MACROD1: variants seen among roughly 807,000 people sequenced by gnomAD.
MACROD1 encodes the protein ADP-ribose glycohydrolase MACROD1.
A neutral mutation model predicts 41.4 loss-of-function variants in MACROD1; 31 were observed. The ratio of observed to expected loss-of-function variants is 0.75; its 90% CI spans 0.56 to 1.01. The LOEUF (loss-of-function observed/expected upper bound fraction) is 1.01, where lower values mean the gene tolerates loss of function less well. MACROD1 is among the 50% of genes least tolerant of loss of function. The pLI, the probability that MACROD1 is intolerant of heterozygous loss-of-function variation, is 0.00. For synonymous variants in MACROD1, 252 were observed against 203.4 expected (o/e 1.24, Z -2.03); for missense variants, 473 against 460.0 (o/e 1.03, Z -0.26).
chr11:64,074,983 TCTCCTTAAGGTTGAAAAGG>T (rs1944176407), intron 3 of MACROD1, among the ~76,000 whole-genome samples: 1 of 152,130 alleles, frequency 6.6e-6, no homozygotes, highest in African/African-American at 2.4e-5. Flanking sequence ...ACTGTACCCC[TCTCCTTAAGGTTGAAAAGG>T]GAGGTCCAGG....
At chr11:64,128,628 C>T (rs1227935835) in intron 3 of MACROD1, among the ~76,000 whole-genome samples, 14 of 150,326 alleles carry the variant, frequency 9.3e-5, no homozygotes, top group Admixed American at 9.3e-4. Context: ...CTCCCCGTTG[C>T]CCCCCTCAGA....
chr11:64,002,925 T>C (rs1942850478), intron 4 of MACROD1, among the ~76,000 whole-genome samples: 1 of 152,092 alleles, frequency 6.6e-6, no homozygotes, highest in African/African-American at 2.4e-5. Context: ...GGTGGGGTAT[T>C]CCCAGTTCAC....
chr11:64,019,212 T>C (rs1344624241), intron 3 of MACROD1, among the ~76,000 whole-genome samples: 1 of 152,042 alleles, frequency 6.6e-6, no homozygotes, highest in South Asian at 2.1e-4. Flanking sequence ...CCCCATCGGG[T>C]TCCCCCCGCC....
intron 3 of MACROD1, chr11:64,116,308 C>T (rs1202192866): frequency 6.2e-7 from 1 of 1,607,550 alleles, no homozygotes; most frequent in Non-Finnish European, 8.5e-7. Context: ...ACCACCACGC[C>T]CACTGCCACT....
intron 3 of MACROD1, among the ~76,000 whole-genome samples, chr11:64,038,176 G>C (rs892634603): frequency 2.0e-5 from 3 of 152,158 alleles, no homozygotes; most frequent in South Asian, 4.1e-4. Context: ...TGATGGGGAG[G>C]GGGTGCTGCC....
chr11:64,064,519 T>C lies in MACROD1; in HGVS notation c.518-49238A>G, dbSNP rs2134446070. Among the ~76,000 whole-genome samples, 1 of 152,040 alleles carries C rather than the reference T, an allele frequency of 6.6e-6. No homozygotes were observed. Among genetic ancestry groups the C allele is most frequent in the African/African-American group, 2.4e-5 (1 of 41,504 alleles). Reference sequence around the variant, plus strand: ...GATGGGCACGCAGGCAGGGTGCATATGTACGTATGTGCCTGGCATGGTCCT... The same window carrying C: ...GATGGGCACGCAGGCAGGGTGCATACGTACGTATGTGCCTGGCATGGTCCT... On this transcript the variant is annotated intron_variant, in intron 3 of 10. Coordinates refer to ENST00000255681, the MANE Select transcript of MACROD1 (RefSeq NM_014067.4). This position sits in a 1 kb window ranked among gnomAD's most constrained non-coding sequence, Gnocchi z 4.5.
chr11:64,035,774 CCCG>C (rs545232734), intron 3 of MACROD1, among the ~76,000 whole-genome samples: 4 of 145,968 alleles, frequency 2.7e-5, no homozygotes, highest in Admixed American at 6.8e-5. Flanking sequence ...ACGCACGGCC[CCCG>C]CCGCCGCCGC....
chr11:64,120,246 A>G lies in MACROD1; in HGVS notation c.517+30993T>C, dbSNP rs984637539. 1.3e-5 allele frequency among the ~76,000 whole-genome samples: 2 copies of G among 151,542 alleles called. No individual in the cohort carries two copies. Among genetic ancestry groups the G allele is most frequent in the African/African-American group, 4.9e-5 (2 of 41,190 alleles). ...GGGGGCTAGCCCACGAAATAGGTCC[A>G]CTCCCCAGCCCTGGGGAACAGCCGA... On this transcript the variant is annotated intron_variant, in intron 3 of 10. Transcript: ENST00000255681. The surrounding 1 kb of genome is among the most constrained non-coding windows in gnomAD (Gnocchi z 4.5).
At chr11:64,105,952 C>A (rs1400670061) in intron 3 of MACROD1, among the ~76,000 whole-genome samples, 1 of 142,082 alleles carries the variant, frequency 7.0e-6, no homozygotes, top group African/African-American at 2.6e-5. Context: ...GTGGTGGGTT[C>A]CATCCGTGAG....
intron 3 of MACROD1, among the ~76,000 whole-genome samples, chr11:64,069,179 A>G (rs890930494): frequency 3.9e-5 from 6 of 152,100 alleles, no homozygotes; most frequent in South Asian, 2.1e-4. Flanking sequence ...AGGTGCGGGG[A>G]GCAGAGCAGG....
chr11:64,056,675 C>T (rs1054346195), intron 3 of MACROD1, among the ~76,000 whole-genome samples: 48 of 152,154 alleles, frequency 3.2e-4, no homozygotes, highest in Non-Finnish European at 4.4e-4. Flanking sequence ...AGGCACCACC[C>T]GGGGCTGTGC....
chr11:64,141,656 C>A (rs1945415717), intron 3 of MACROD1, among the ~76,000 whole-genome samples: 1 of 152,222 alleles, frequency 6.6e-6, no homozygotes, highest in Admixed American at 6.5e-5. Flanking sequence ...AAGCTCCGGC[C>A]TCCTCGGCTC....
At chr11:64,152,159 T>C in intron 2 of MACROD1, 133 bp downstream of exon 2, 1 of 694,700 alleles carries the variant, frequency 1.4e-6, no homozygotes, top group Non-Finnish European at 2.6e-6. Flanking sequence ...TTGAATGAGG[T>C]GATACACGCG....
chr11:64,119,722 G>A (rs537975951), intron 3 of MACROD1, among the ~76,000 whole-genome samples: 4 of 152,244 alleles, frequency 2.6e-5, no homozygotes, highest in African/African-American at 4.8e-5. Context: ...GCCAGCCTCC[G>A]AAAGGGCCCT....
intron 4 of MACROD1, among the ~76,000 whole-genome samples, chr11:64,008,214 G>A (rs950112353): frequency 1.3e-5 from 2 of 152,184 alleles, no homozygotes; most frequent in African/African-American, 2.4e-5. Context: ...GAGGCAAAGC[G>A]TGGAGGGAGA....
chr11:64,033,944 G>A (rs1943326799), intron 3 of MACROD1, among the ~76,000 whole-genome samples: 1 of 152,184 alleles, frequency 6.6e-6, no homozygotes, highest in African/African-American at 2.4e-5. Flanking sequence ...TGGGATTACA[G>A]GTGTGAGCCA....
intron 3 of MACROD1, among the ~76,000 whole-genome samples, chr11:64,053,202 G>T (rs1332356036): frequency 1.3e-5 from 2 of 152,172 alleles, no homozygotes; most frequent in Non-Finnish European, 2.9e-5. Flanking sequence ...GGCGTGCTGG[G>T]GAGCAGGGTG....
intron 4 of MACROD1, among the ~76,000 whole-genome samples, chr11:64,013,343 CT>C (rs983340137): frequency 6.6e-6 from 1 of 152,174 alleles, no homozygotes; most frequent in Non-Finnish European, 1.5e-5. Context: ...GTGGACCCCC[CT>C]GAGAGATGGT....
intron 3 of MACROD1, among the ~76,000 whole-genome samples, chr11:64,056,019 G>A (rs1486232636): frequency 6.6e-6 from 1 of 152,218 alleles, no homozygotes; most frequent in African/African-American, 2.4e-5. Context: ...CCTGTCCACA[G>A]AATGGGAGCA....
Sources: allele counts gnomAD v4.1 joint callset (sites outside exome capture counted in the v4.1 genomes callset), GRCh38; gene constraint gnomAD v4.1.1; non-coding constraint Gnocchi (gnomAD v3.1); transcripts MANE v1.5; gene names NCBI Gene and HGNC (gene_info 2026-07-23, HGNC 2026-07-21).